CGGBP1: variants seen among roughly 807,000 people sequenced by gnomAD.
CGGBP1 encodes CGG triplet repeat binding protein 1.
A neutral mutation model predicts 11.4 loss-of-function variants in CGGBP1; 4 were observed. That is an observed-to-expected ratio of 0.35 (90% CI 0.17 to 0.80). The LOEUF (loss-of-function observed/expected upper bound fraction) is 0.80, where lower values mean the gene tolerates loss of function less well. CGGBP1 is among the 30% of genes least tolerant of loss of function. The pLI is 0.52. For missense variants in CGGBP1, 135 were observed against 202.1 expected (o/e 0.67, Z 2.01); for synonymous variants, 76 against 74.1 (o/e 1.03, Z -0.13).
At chr3:88,113,531 C>T (rs902237668) in intron 2 of CGGBP1, among the ~76,000 whole-genome samples, 7 of 152,090 alleles carry the variant, frequency 4.6e-5, no homozygotes, top group South Asian at 4.1e-4. Flanking sequence ...GCCACTTTTT[C>T]CCTTGGCTGT....
rs79993363 is a variant in CGGBP1, at chr3:88,106,979, G to A, written c.-229+33991C>T. Among the ~76,000 whole-genome samples, 664 of 152,112 alleles carry A rather than the reference G, an allele frequency of 4.4e-3. 11 individuals are homozygous for A. The highest frequency in any genetic ancestry group is 0.029 in the East Asian group (151 of 5,174). On this transcript the variant is annotated intron_variant, in intron 2 of 3. Transcript: ENST00000462901. The stretch of plus-strand genomic sequence containing the variant: ...GTTTCATTAGCCTATTTGTCTGTTC[G>A]TGTGCCAACACAATGTTGATTTAAT...
rs571801489 is a variant in CGGBP1, at chr3:88,139,102, C to T, written c.-229+1868G>A. On this transcript the variant is annotated intron_variant, in intron 2 of 3. Coordinates refer to the CGGBP1 transcript ENST00000462901. Reference sequence around the variant, plus strand: ...GCAGTTAGATTTCTAAATGAAAGCACACTGGAAAATAATGCAGGTAATCTA... The same window carrying T: ...GCAGTTAGATTTCTAAATGAAAGCATACTGGAAAATAATGCAGGTAATCTA... 28 of 1,263,020 alleles carry T rather than the reference C, an allele frequency of 2.2e-5. No homozygotes were observed. In the Admixed American group the frequency reaches 3.9e-4, roughly 18 times the overall value. 78.2% of individuals were successfully genotyped at this position (1,263,020 alleles called of 1,614,324 possible).
intron 2 of CGGBP1, chr3:88,113,258 C>A: frequency 1.0e-6 from 1 of 973,376 alleles, no homozygotes; most frequent in Admixed American, 2.6e-5. Context: ...TATGCTCCCC[C>A]TAAATATAGC....
intron 1 of CGGBP1, chr3:88,141,986 AG>A (rs1466245365): frequency 4.7e-6 from 1 of 211,478 alleles, no homozygotes; most frequent in African/African-American, 2.5e-5. Flanking sequence ...CCTTACAGAA[AG>A]GGAAAAATTA....
rs73844859 is a variant in CGGBP1 at position 88,085,092 on chromosome 3, G to T, written c.-228-26869C>A. Among the ~76,000 whole-genome samples the T allele has an allele frequency of 3.0e-3, 462 of 152,294 alleles. 3 individuals are homozygous for T. The highest frequency in any genetic ancestry group is 0.011 in the African/African-American group (444 of 41,556). On this transcript the variant is annotated intron_variant, in intron 2 of 3. Transcript: ENST00000462901. ...AGCTAGGACTTTTTGAAAAATTGTA[G>T]AAATGTGAGAGACCCATGGAAAATT...
At chr3:88,146,735 G>C (rs550735662) in intron 1 of CGGBP1, among the ~76,000 whole-genome samples, 1 of 152,166 alleles carries the variant, frequency 6.6e-6, no homozygotes, top group East Asian at 1.9e-4. Context: ...CCGTTTTACT[G>C]GTTGTTCACC....
intron 2 of CGGBP1, among the ~76,000 whole-genome samples, chr3:88,112,023 T>G (rs996132594): frequency 6.6e-6 from 1 of 151,924 alleles, no homozygotes; most frequent in Non-Finnish European, 1.5e-5. Context: ...CTAGAAGCAT[T>G]TAAATTAAGG....
rs1174252356 is a variant in CGGBP1, at chr3:88,055,674, G to C, written c.303C>G (p.Val101=). The stretch of plus-strand genomic sequence containing the variant: ...TTTTCACAAAGTCCTGGATAACACT[G>C]ACTTTCTCTGTTTGCGCAGTACTGT... The part of the protein sequence containing the change: ...QCNSTAQTEK[V]SVIQDFVKMC... Residue 101 remains valine (V), a synonymous_variant, in exon 4 of 4, where the codon GTC becomes GTG. Transcript: ENST00000482016. The surrounding 1 kb of genome is among the most constrained non-coding windows in gnomAD (Gnocchi z 4.2). 1.9e-6 allele frequency: 3 copies of C among 1,614,202 alleles called. No individual in the cohort carries two copies. Among genetic ancestry groups the C allele is most frequent in the Non-Finnish European group, 1.7e-6 (2 of 1,180,038 alleles).
At chr3:88,131,516 C>CA (rs992980029) in intron 2 of CGGBP1, among the ~76,000 whole-genome samples, 15 of 152,108 alleles carry the variant, frequency 9.9e-5, no homozygotes, top group Non-Finnish European at 2.1e-4. Context: ...CAAGTATACA[C>CA]AAACACACAC....
At chr3:88,086,136 C>T (rs1708325691) in intron 2 of CGGBP1, 3 of 760,558 alleles carry the variant, frequency 3.9e-6, no homozygotes, top group East Asian at 2.7e-5. Flanking sequence ...TCCCTCCCTC[C>T]AGTCACCTGT....
chr3:88,066,025 C>T (rs1370213148), intron 2 of CGGBP1, among the ~76,000 whole-genome samples: 2 of 152,128 alleles, frequency 1.3e-5, no homozygotes, highest in East Asian at 3.8e-4. Context: ...TGAGCTACCG[C>T]GCCTAGCCCT....
At chr3:88,131,397 A>G (rs530425986) in intron 2 of CGGBP1, among the ~76,000 whole-genome samples, 1 of 152,308 alleles carries the variant, frequency 6.6e-6, no homozygotes, top group South Asian at 2.1e-4. Flanking sequence ...GTTATAATAG[A>G]TCTTTTCCTA....
chr3:88,096,743 G>A (rs1704085143), intron 2 of CGGBP1, among the ~76,000 whole-genome samples: 1 of 151,872 alleles, frequency 6.6e-6, no homozygotes, highest in African/African-American at 2.4e-5. Context: ...ACATGTTCAT[G>A]GTTCAAAATT....
At chr3:88,105,267 C>T (rs1344363918) in intron 2 of CGGBP1, among the ~76,000 whole-genome samples, 1 of 126,546 alleles carries the variant, frequency 7.9e-6, no homozygotes, top group East Asian at 2.4e-4. Flanking sequence ...TAAACAGATA[C>T]ATACATTTTT....
rs1706483643 is a variant in CGGBP1, at chr3:88,053,873, CAT to C, written c.*1598_*1599del. 1 of 152,570 alleles carries C rather than the reference CAT, an allele frequency of 6.6e-6. No individual in the cohort carries two copies. Among genetic ancestry groups the C allele is most frequent in the Admixed American group, 6.6e-5 (1 of 15,266 alleles). The allele number at this position is 152,570 out of a possible 1,614,324, so 9.5% of individuals were successfully genotyped here. A position where few individuals can be genotyped will look rare whatever the true frequency, so the allele number is the denominator to read the frequency against. On this transcript the variant is annotated 3_prime_UTR_variant, in exon 4 of 4. Transcript: ENST00000482016. ...GCATGCATTTATCATACTACTTTAA[CAT>C]AACTGAACATGAGGAAAACAGTTCA...
chr3:88,146,533 A>G (rs1707315867), intron 1 of CGGBP1, among the ~76,000 whole-genome samples: 1 of 152,184 alleles, frequency 6.6e-6, no homozygotes, highest in Non-Finnish European at 1.5e-5. Context: ...TGTGGGGATC[A>G]GTTATACTCA....
intron 2 of CGGBP1, among the ~76,000 whole-genome samples, chr3:88,082,604 T>C (rs1708137310): frequency 6.6e-6 from 1 of 152,204 alleles, no homozygotes. Context: ...CTAATAGAAA[T>C]AAAGACATGC....
chr3:88,105,418 A>C (rs763343934), intron 2 of CGGBP1, among the ~76,000 whole-genome samples: 1 of 152,134 alleles, frequency 6.6e-6, no homozygotes, highest in Non-Finnish European at 1.5e-5. Context: ...ATAGTCAGTC[A>C]ATTTGTCCTC....
At chr3:88,149,373 A>T (rs1202947368) in intron 1 of CGGBP1, among the ~76,000 whole-genome samples, 1 of 152,160 alleles carries the variant, frequency 6.6e-6, no homozygotes, top group Non-Finnish European at 1.5e-5. Flanking sequence ...TGCGCGCGAC[A>T]TCGCCTCTTC....
Sources: allele counts gnomAD v4.1 joint callset (sites outside exome capture counted in the v4.1 genomes callset), GRCh38; gene constraint gnomAD v4.1.1; non-coding constraint Gnocchi (gnomAD v3.1); transcripts MANE v1.5; gene names NCBI Gene and HGNC (gene_info 2026-07-23, HGNC 2026-07-21).